The following KSR2 variants were observed in gnomAD, a reference collection of about 807,000 sequenced individuals.
KSR2 encodes the protein kinase suppressor of ras 2.
A neutral mutation model predicts 107.8 loss-of-function variants in KSR2; 25 were observed. That is an observed-to-expected ratio of 0.23 (90% CI 0.17 to 0.32). The LOEUF (loss-of-function observed/expected upper bound fraction) is 0.32. Among genes scored for constraint, KSR2 ranks in the 10% least tolerant of loss-of-function variants. KSR2 has a pLI of 1.00. For missense variants in KSR2, 887 were observed against 1,268.9 expected (o/e 0.70, Z 4.57); for synonymous variants, 480 against 507.0 (o/e 0.95, Z 0.71).
At chr12:117,641,364 T>C (rs1284650830) in intron 5 of KSR2, among the ~76,000 whole-genome samples, 1 of 152,044 alleles carries the variant, frequency 6.6e-6, no homozygotes, top group Non-Finnish European at 1.5e-5. Flanking sequence ...CTCCCAAGGT[T>C]AGAAGTTTTT....
intron 7 of KSR2, among the ~76,000 whole-genome samples, chr12:117,564,176 G>A (rs191478849): frequency 1.7e-4 from 26 of 152,302 alleles, no homozygotes; most frequent in Non-Finnish European, 3.1e-4. Context: ...CCCCAGTAAC[G>A]TGAAAGAAGG....
At chr12:117,570,204 G>A (rs1878790362) in intron 7 of KSR2, among the ~76,000 whole-genome samples, 1 of 152,110 alleles carries the variant, frequency 6.6e-6, no homozygotes, top group Non-Finnish European at 1.5e-5. Flanking sequence ...GGGTTTCACT[G>A]TGTTAGCCAG....
chr12:117,919,311 T>C (rs1453242231), intron 1 of KSR2, among the ~76,000 whole-genome samples: 1 of 152,202 alleles, frequency 6.6e-6, no homozygotes, highest in African/African-American at 2.4e-5. Flanking sequence ...AGATTTCTAC[T>C]CTGGCCCTAA....
intron 3 of KSR2, among the ~76,000 whole-genome samples, chr12:117,763,470 G>A (rs2136881933): frequency 6.6e-6 from 1 of 152,242 alleles, no homozygotes; most frequent in South Asian, 2.1e-4. Context: ...CATGCTAAGA[G>A]CTCTAAATGC....
chr12:117,584,243 G>A (rs987706282), intron 5 of KSR2, among the ~76,000 whole-genome samples: 4 of 152,088 alleles, frequency 2.6e-5, no homozygotes, highest in African/African-American at 4.8e-5. Context: ...TACTTGTTTC[G>A]ATTTCTGAGG....
chr12:117,471,508 T>C (rs183054303), intron 17 of KSR2, among the ~76,000 whole-genome samples, 188 bp from the exon 18 acceptor site: 5 of 152,338 alleles, frequency 3.3e-5, no homozygotes, highest in East Asian at 3.9e-4. Context: ...TTAGAAGTCA[T>C]GTTTATCCCA....
chr12:117,510,430 C>T (rs1044903555), intron 14 of KSR2, among the ~76,000 whole-genome samples: 9 of 152,070 alleles, frequency 5.9e-5, no homozygotes, highest in Non-Finnish European at 1.2e-4. Flanking sequence ...GTGATTTTGT[C>T]CAAGGTGACA....
chr12:117,775,417 A>G (rs1889653187), intron 3 of KSR2, among the ~76,000 whole-genome samples: 1 of 152,212 alleles, frequency 6.6e-6, no homozygotes, highest in African/African-American at 2.4e-5. Flanking sequence ...TTTATCGAGC[A>G]CTTACTGTGG....
rs541746181 is a variant in KSR2 at position 117,601,299 on chromosome 12, G to T, written c.1172-18940C>A. On this transcript the variant is annotated intron_variant, in intron 5 of 19. Coordinates refer to ENST00000339824, the MANE Select transcript of KSR2 (RefSeq NM_173598.6). Reference sequence around the variant, plus strand: ...CTTGTTTAGAATCCAAGATCTTGGGGGGGGGGGTACCTAATTACTAGATTA... The same window carrying T: ...CTTGTTTAGAATCCAAGATCTTGGGTGGGGGGGTACCTAATTACTAGATTA... Among the ~76,000 whole-genome samples, 87 of 150,150 alleles carry T rather than the reference G, an allele frequency of 5.8e-4. 4 individuals are homozygous for T. Among genetic ancestry groups the T allele is most frequent in the African/African-American group, 1.7e-3 (68 of 40,434 alleles).
chr12:117,914,248 G>A (rs1471196336), intron 1 of KSR2, among the ~76,000 whole-genome samples: 1 of 151,970 alleles, frequency 6.6e-6, no homozygotes, highest in African/African-American at 2.4e-5. Context: ...GGTCAACATG[G>A]TGAAACCCCA....
intron 1 of KSR2, among the ~76,000 whole-genome samples, chr12:117,930,490 A>T (rs1449868408): frequency 6.6e-6 from 1 of 152,158 alleles, no homozygotes. Context: ...TGGCACTTCT[A>T]ATTAGCTCCC....
At chr12:117,664,406 G>A (rs1884568052) in intron 5 of KSR2, among the ~76,000 whole-genome samples, 1 of 152,308 alleles carries the variant, frequency 6.6e-6, no homozygotes, top group African/African-American at 2.4e-5. Flanking sequence ...GCCTGGCAGG[G>A]ATGCAGCCCC....
chr12:117,815,974 C>CA (rs55645570), intron 3 of KSR2, among the ~76,000 whole-genome samples: 17,054 of 114,782 alleles, frequency 0.15, 1,453 homozygotes, highest in Middle Eastern at 0.25. Flanking sequence ...AACTCTGTCT[C>CA]AAAAAAAAAA....
intron 1 of KSR2, among the ~76,000 whole-genome samples, chr12:117,927,879 G>GTTA (rs1895578719): frequency 6.6e-6 from 1 of 151,956 alleles, no homozygotes; most frequent in South Asian, 2.1e-4. Flanking sequence ...GTGTACAGCG[G>GTTA]AGTGGCCTCA....
intron 1 of KSR2, 82 bp from the exon 2 acceptor site, chr12:117,860,513 C>A: frequency 7.2e-7 from 1 of 1,383,286 alleles, no homozygotes; most frequent in Non-Finnish European, 9.7e-7. Flanking sequence ...CCTACGAACC[C>A]CCACCCTAAA....
intron 7 of KSR2, among the ~76,000 whole-genome samples, chr12:117,564,165 C>A (rs1408536200): frequency 6.6e-6 from 1 of 152,142 alleles, no homozygotes; most frequent in African/African-American, 2.4e-5. Flanking sequence ...CAACAGACTG[C>A]CCCCAGTAAC....
intron 5 of KSR2, among the ~76,000 whole-genome samples, chr12:117,611,546 A>G (rs1343408919): frequency 1.3e-5 from 2 of 151,862 alleles, no homozygotes; most frequent in Non-Finnish European, 2.9e-5. Flanking sequence ...TACATTATAG[A>G]AAGCTTATGT....
intron 4 of KSR2, among the ~76,000 whole-genome samples, chr12:117,727,164 C>T (rs487549): frequency 0.23 from 34,907 of 151,224 alleles, 5,080 homozygotes; most frequent in Admixed American, 0.37. Flanking sequence ...CTGCTTGAGC[C>T]AAGGAGTTTG....
chr12:117,816,613 T>G (rs1311705820), intron 3 of KSR2, among the ~76,000 whole-genome samples: 1 of 152,144 alleles, frequency 6.6e-6, no homozygotes, highest in Admixed American at 6.6e-5. Context: ...GTACAAATCT[T>G]CATCATACTA....
Sources: gnomAD v4.1 joint callset for allele counts (sites outside exome capture counted in the v4.1 genomes callset) on GRCh38, gnomAD v4.1.1 for gene constraint, MANE v1.5 for transcripts, NCBI Gene and HGNC (gene_info 2026-07-23, HGNC 2026-07-21) for gene names.